The following ITGB8 variants were observed in gnomAD, a reference collection of about 807,000 sequenced individuals.
ITGB8 encodes the protein integrin subunit beta 8, also known as integrin beta-8.
A neutral mutation model predicts 89.5 loss-of-function variants in ITGB8; 30 were observed. The observed-to-expected ratio is 0.34, with a 90% CI of 0.25 to 0.45. The LOEUF (loss-of-function observed/expected upper bound fraction) is 0.45. Ranked by LOEUF, ITGB8 falls within the 20% of genes least tolerant of loss-of-function variation. The pLI is 1.00. For missense variants in ITGB8, 836 were observed against 933.3 expected (o/e 0.90, Z 1.36); for synonymous variants, 335 against 320.4 (o/e 1.05, Z -0.49).
intron 3 of ITGB8, among the ~76,000 whole-genome samples, chr7:20,375,114 A>C (rs2127955272): frequency 6.6e-6 from 1 of 152,322 alleles, no homozygotes; most frequent in South Asian, 2.1e-4. Context: ...TTAACTCTTA[A>C]ACCCTTCACT....
intron 1 of ITGB8, among the ~76,000 whole-genome samples, chr7:20,355,059 C>T (rs557895205): frequency 1.3e-5 from 2 of 152,316 alleles, no homozygotes; most frequent in African/African-American, 4.8e-5. Flanking sequence ...GCATTCTGGC[C>T]GTTTATGGCT....
At chr7:20,384,383 G>T (rs890001409) in intron 6 of ITGB8, among the ~76,000 whole-genome samples, 1 of 152,132 alleles carries the variant, frequency 6.6e-6, no homozygotes, top group African/African-American at 2.4e-5. Context: ...GAGTTCTGTT[G>T]CTTATACATA....
chr7:20,357,485 T>C (rs1340308987), intron 1 of ITGB8, among the ~76,000 whole-genome samples: 1 of 152,186 alleles, frequency 6.6e-6, no homozygotes, highest in Non-Finnish European at 1.5e-5. Context: ...CATACACGTA[T>C]ATATGTGTCT....
At chr7:20,408,806 G>T (rs1448164932) in intron 12 of ITGB8, among the ~76,000 whole-genome samples, 2 of 152,014 alleles carry the variant, frequency 1.3e-5, no homozygotes, top group Non-Finnish European at 2.9e-5. Flanking sequence ...CCAAAGATCT[G>T]GTGCTAAAAT....
intron 1 of ITGB8, among the ~76,000 whole-genome samples, chr7:20,344,640 A>C (rs1410398554): frequency 6.6e-6 from 1 of 152,234 alleles, no homozygotes; most frequent in Admixed American, 6.5e-5. Context: ...TGCAGGGAGC[A>C]GTGCAGAATG....
At position 20,412,173 on chromosome 7, in the gene ITGB8, C is replaced by G. The variant is rs1018737973; in HGVS notation, c.*2176C>G. ...AATAAGTTGTTCTGGAGCCAATAAA[C>G]ACAGCAGCTCTGTTAGATGTCCTCT... On this transcript the variant is annotated 3_prime_UTR_variant, in exon 14 of 14. Transcript: ENST00000222573. The G allele has an allele frequency of 4.6e-5, 7 of 152,568 alleles. No individual in the cohort carries two copies. Among genetic ancestry groups the G allele is most frequent in the African/African-American group, 1.7e-4 (7 of 41,436 alleles). 9.5% of individuals were successfully genotyped at this position (152,568 alleles called of 1,614,324 possible). A position where few individuals can be genotyped will look rare whatever the true frequency, so the allele number is the denominator to read the frequency against.
intron 6 of ITGB8, among the ~76,000 whole-genome samples, chr7:20,382,261 G>A (rs940687643): frequency 4.7e-4 from 71 of 152,098 alleles, no homozygotes; most frequent in African/African-American, 1.6e-3. Context: ...TTTTAAGGAG[G>A]AAACCTCACA....
intron 4 of ITGB8, chr7:20,380,421 C>A: frequency 2.4e-6 from 1 of 417,184 alleles, no homozygotes; most frequent in South Asian, 2.8e-5. Context: ...TATTAAAAAA[C>A]ATGTTTAATC....
chr7:20,336,342 C>G (rs1008554795), intron 1 of ITGB8, among the ~76,000 whole-genome samples: 5 of 152,146 alleles, frequency 3.3e-5, no homozygotes, highest in Admixed American at 3.3e-4. Context: ...ACATTGACAC[C>G]TCCAGAATAT....
At chr7:20,331,954 T>TTG (rs758458335) in intron 1 of ITGB8, 21 bp downstream of exon 1, 14 of 1,612,970 alleles carry the variant, frequency 8.7e-6, no homozygotes, top group Non-Finnish European at 1.2e-5. Flanking sequence ...TTGTTTTGTT[T>TTG]TGTTTTCTTC....
At chr7:20,346,983 T>G in intron 1 of ITGB8, 1 of 382,668 alleles carries the variant, frequency 2.6e-6, no homozygotes. Context: ...GGAAAATGAC[T>G]AGGTCATGAA....
intron 1 of ITGB8, among the ~76,000 whole-genome samples, chr7:20,337,971 G>T (rs1489635377): frequency 6.6e-6 from 1 of 152,182 alleles, no homozygotes; most frequent in Non-Finnish European, 1.5e-5. Flanking sequence ...ATGCAGGAGA[G>T]GTAAACAGAG....
intron 1 of ITGB8, among the ~76,000 whole-genome samples, 162 bp from the exon 2 acceptor site, chr7:20,363,475 T>C (rs1168530924): frequency 6.6e-6 from 1 of 152,228 alleles, no homozygotes; most frequent in Non-Finnish European, 1.5e-5. Context: ...GTCGACTCTT[T>C]CCAATAAATT....
chr7:20,331,524 C>T lies in ITGB8; in HGVS notation c.-283C>T, dbSNP rs986876745. ...GCGGAGCCCTTGCAGAGCCCTCTCTCCAGTCGCCGCCGGGGCCCTTGGCCG... is the reference window on the plus strand; with the variant it reads ...GCGGAGCCCTTGCAGAGCCCTCTCTTCAGTCGCCGCCGGGGCCCTTGGCCG... On this transcript the variant is annotated 5_prime_UTR_variant, in exon 1 of 14. Coordinates refer to ENST00000222573, the MANE Select transcript of ITGB8 (RefSeq NM_002214.3). 2 of 441,034 alleles carry T rather than the reference C, an allele frequency of 4.5e-6. No individual in the cohort carries two copies. The highest frequency in any genetic ancestry group is 2.0e-5 in the African/African-American group (1 of 48,792). The allele number at this position is 441,034 out of a possible 1,614,324, so 27.3% of individuals were successfully genotyped here. A position where few individuals can be genotyped will look rare whatever the true frequency, so the allele number is the denominator to read the frequency against.
chr7:20,398,535 A>C (rs1253979834), intron 8 of ITGB8, among the ~76,000 whole-genome samples: 1 of 152,236 alleles, frequency 6.6e-6, no homozygotes, highest in African/African-American at 2.4e-5. Context: ...CTTTATCATA[A>C]AATATAGTTA....
At position 20,363,730 on chromosome 7, in the gene ITGB8, ATTT is replaced by A; in HGVS notation, c.213+17_213+19del. The A allele has an allele frequency of 5.4e-6, 7 of 1,294,056 alleles. No individual in the cohort carries two copies. Among genetic ancestry groups the A allele is most frequent in the South Asian group, 1.6e-5 (1 of 62,728 alleles). 80.2% of individuals were successfully genotyped at this position (1,294,056 alleles called of 1,614,324 possible). On this transcript the variant is annotated intron_variant, in intron 2 of 13. Coordinates refer to ENST00000222573, the MANE Select transcript of ITGB8 (RefSeq NM_002214.3). ...GGATGGTGTGTTCAAGAGGTGTGCCATTTTTTTTTTTCTTTTTCTCATGGTTGA... is the reference window on the plus strand; with the variant it reads ...GGATGGTGTGTTCAAGAGGTGTGCCATTTTTTTTCTTTTTCTCATGGTTGA...
chr7:20,359,891 C>A (rs1483434055), intron 1 of ITGB8, among the ~76,000 whole-genome samples: 1 of 152,102 alleles, frequency 6.6e-6, no homozygotes, highest in Admixed American at 6.6e-5. Flanking sequence ...GAAGTATAAC[C>A]ATGACACTCT....
intron 1 of ITGB8, chr7:20,346,786 G>A: frequency 5.1e-6 from 5 of 985,380 alleles, no homozygotes; most frequent in Non-Finnish European, 6.0e-6. Flanking sequence ...GGCTCCACAG[G>A]CAGAGAGGAG....
At chr7:20,336,000 CTTTTTTTTTT>C (rs201113693) in intron 1 of ITGB8, among the ~76,000 whole-genome samples, 9 of 96,386 alleles carry the variant, frequency 9.3e-5, no homozygotes, top group East Asian at 7.6e-4. Context: ...TCTTGGTTTT[CTTTTTTTTTT>C]TTTTTTTTTT....
Sources: allele counts gnomAD v4.1 joint callset (sites outside exome capture counted in the v4.1 genomes callset), GRCh38; gene constraint gnomAD v4.1.1; transcripts MANE v1.5; gene names NCBI Gene and HGNC (gene_info 2026-07-23, HGNC 2026-07-21).